The following STK3 variants were observed in gnomAD, a reference collection of about 807,000 sequenced individuals.
STK3 encodes serine/threonine-protein kinase 3.
In STK3, 41 loss-of-function variants were observed where a neutral mutation model predicts 58.0. The ratio of observed to expected loss-of-function variants is 0.71; its 90% CI spans 0.55 to 0.92. The LOEUF (loss-of-function observed/expected upper bound fraction) is 0.92. Among genes scored for constraint, STK3 ranks in the 40% least tolerant of loss-of-function variants. The pLI is 0.00. For synonymous variants in STK3, 170 were observed against 191.0 expected (o/e 0.89, Z 0.91); for missense variants, 479 against 602.7 (o/e 0.79, Z 2.15).
intron 1 of STK3, among the ~76,000 whole-genome samples, chr8:98,942,098 C>T (rs1199356980): frequency 2.0e-5 from 3 of 152,230 alleles, no homozygotes; most frequent in Admixed American, 6.5e-5. Context: ...TGGCGGGTGA[C>T]CTGCTCTTGG....
At chr8:98,798,845 G>C (rs1208839006) in intron 1 of STK3, among the ~76,000 whole-genome samples, 2 of 152,188 alleles carry the variant, frequency 1.3e-5, no homozygotes, top group African/African-American at 4.8e-5. Flanking sequence ...TAGGTCATGA[G>C]GGCTCCTCAC....
intron 3 of STK3, among the ~76,000 whole-genome samples, chr8:98,830,722 G>A (rs1835496872): frequency 6.6e-6 from 1 of 152,122 alleles, no homozygotes; most frequent in African/African-American, 2.4e-5. Flanking sequence ...TGTAATCCCA[G>A]CACCTTGGGA....
intron 6 of STK3, among the ~76,000 whole-genome samples, chr8:98,682,678 G>A (rs1410497349): frequency 1.3e-5 from 2 of 151,992 alleles, no homozygotes; most frequent in East Asian, 1.9e-4. Flanking sequence ...CTATTCTACA[G>A]CAATTTAACT....
At chr8:98,417,481 T>A (rs1428595301) in intron 3 of STK3, among the ~76,000 whole-genome samples, 2 of 151,866 alleles carry the variant, frequency 1.3e-5, no homozygotes, top group Non-Finnish European at 2.9e-5. Context: ...GCCACTGCAC[T>A]CCAGCCTGGG....
intron 6 of STK3, chr8:98,598,640 G>C: frequency 1.0e-6 from 1 of 985,328 alleles, no homozygotes. Context: ...CCCTTCTATA[G>C]AAAGTTTTGG....
chr8:98,373,358 G>A (rs1318796838), intron 2 of STK3, among the ~76,000 whole-genome samples: 2 of 152,174 alleles, frequency 1.3e-5, no homozygotes, highest in Non-Finnish European at 2.9e-5. Context: ...ACCGTGGGCA[G>A]AGTGTGCTTT....
intron 1 of STK3, 113 bp downstream of exon 1, chr8:98,825,402 G>A: frequency 1.9e-6 from 2 of 1,036,680 alleles, no homozygotes; most frequent in South Asian, 3.0e-5. Context: ...CAGCGCGCCC[G>A]GCTCGGGGCC....
chr8:98,367,152 T>A (rs1053077454), downstream of STK3, among the ~76,000 whole-genome samples: 2 of 152,260 alleles, frequency 1.3e-5, 1 homozygote, highest in South Asian at 4.1e-4. Flanking sequence ...AGGGTTGTTA[T>A]AAGAATTGTG....
chr8:98,892,627 T>C (rs1438351682), intron 1 of STK3, among the ~76,000 whole-genome samples: 1 of 152,162 alleles, frequency 6.6e-6, no homozygotes. Flanking sequence ...ACTCTCCCCG[T>C]TTCCTACCTT....
chr8:98,374,687 T>A (rs7838130), intron 2 of STK3, among the ~76,000 whole-genome samples: 1 of 152,040 alleles, frequency 6.6e-6, no homozygotes, highest in Non-Finnish European at 1.5e-5. Flanking sequence ...CAACTAAACC[T>A]TCTCCTAGAA....
intron 9 of STK3, among the ~76,000 whole-genome samples, chr8:98,544,455 G>A (rs967053854): frequency 5.3e-5 from 8 of 152,108 alleles, no homozygotes; most frequent in South Asian, 2.1e-4. Context: ...TCTGATTACT[G>A]TATATTATTT....
intron 2 of STK3, 31 bp downstream of exon 2, chr8:98,774,708 A>C (rs1342513537): frequency 7.0e-7 from 1 of 1,438,254 alleles, no homozygotes; most frequent in Non-Finnish European, 9.5e-7. Flanking sequence ...TTCTGAAATT[A>C]TTTACATGCT....
intron 6 of STK3, among the ~76,000 whole-genome samples, chr8:98,601,291 C>T (rs985654283): frequency 1.3e-5 from 2 of 152,198 alleles, no homozygotes; most frequent in African/African-American, 4.8e-5. Flanking sequence ...CCCACAACCA[C>T]CTCTTACTCA....
intron 2 of STK3, among the ~76,000 whole-genome samples, chr8:98,375,088 C>CA (rs11395182): frequency 0.64 from 95,338 of 149,978 alleles, 30,871 homozygotes; most frequent in Non-Finnish European, 0.69. Flanking sequence ...AAAAAACAAA[C>CA]AACAAAAAAA....
intron 1 of STK3, among the ~76,000 whole-genome samples, chr8:98,897,005 T>G (rs1012026002): frequency 2.8e-5 from 4 of 141,472 alleles, no homozygotes; most frequent in Admixed American, 7.8e-5. Flanking sequence ...AATAAAAAAA[T>G]AAAAGAAAAG....
At chr8:98,823,273 A>T (rs1835026842) in intron 1 of STK3, among the ~76,000 whole-genome samples, 3 of 152,202 alleles carry the variant, frequency 2.0e-5, no homozygotes, top group African/African-American at 7.2e-5. Context: ...CTTGAACATC[A>T]ACGACATCGA....
intron 10 of STK3, among the ~76,000 whole-genome samples, chr8:98,476,509 C>T (rs1821323934): frequency 1.3e-5 from 2 of 152,084 alleles, no homozygotes; most frequent in African/African-American, 4.8e-5. Context: ...ATTTTCATTC[C>T]AACAGAAAAA....
At chr8:98,933,621 ATATAAG>A (rs946416691) in intron 1 of STK3, among the ~76,000 whole-genome samples, 1 of 152,210 alleles carries the variant, frequency 6.6e-6, no homozygotes, top group Non-Finnish European at 1.5e-5. Flanking sequence ...TGTAAATTGT[ATATAAG>A]TATGTCTTCA....
chr8:98,540,474 C>G (rs1810155150), intron 9 of STK3, among the ~76,000 whole-genome samples: 1 of 152,120 alleles, frequency 6.6e-6, no homozygotes. Flanking sequence ...GATCCTCGTT[C>G]TATCCTATAA....
Sources: gnomAD v4.1 joint callset for allele counts (sites outside exome capture counted in the v4.1 genomes callset) on GRCh38, gnomAD v4.1.1 for gene constraint, MANE v1.5 for transcripts, NCBI Gene and HGNC (gene_info 2026-07-23, HGNC 2026-07-21) for gene names.